The following ADGRG6 variants were observed in gnomAD, a reference collection of about 807,000 sequenced individuals.
ADGRG6 encodes adhesion G protein-coupled receptor G6.
A neutral mutation model predicts 142.4 loss-of-function variants in ADGRG6; 84 were observed. That is an observed-to-expected ratio of 0.59 (90% CI 0.49 to 0.71). The LOEUF is 0.71. Among genes scored for constraint, ADGRG6 ranks in the 30% least tolerant of loss-of-function variants. ADGRG6 has a pLI of 0.00. For missense variants in ADGRG6, 1,367 were observed against 1,466.6 expected, an observed-to-expected ratio of 0.93 and a Z score of 1.11; for synonymous variants, 521 against 520.5, an observed-to-expected ratio of 1.00 and a Z score of -0.01.
At chr6:142,392,076 T>G (rs1287160564) in intron 7 of ADGRG6, among the ~76,000 whole-genome samples, 2 of 152,010 alleles carry the variant, frequency 1.3e-5, no homozygotes, top group African/African-American at 2.4e-5. Flanking sequence ...ATAAATAGTG[T>G]ACCTGTTTCA....
At chr6:142,381,172 T>G (rs2114926192) in intron 4 of ADGRG6, among the ~76,000 whole-genome samples, 1 of 152,352 alleles carries the variant, frequency 6.6e-6, no homozygotes, top group African/African-American at 2.4e-5. Context: ...AGGAAAGTTT[T>G]GAAATATTTA....
chr6:142,332,628 G>A (rs1055941413), intron 2 of ADGRG6, among the ~76,000 whole-genome samples: 5 of 152,040 alleles, frequency 3.3e-5, no homozygotes, highest in Non-Finnish European at 5.9e-5. Flanking sequence ...CATGGGGCTT[G>A]GATGTCATGT....
rs148734468 is a variant in ADGRG6 at position 142,350,842 on chromosome 6, AAACTACC to A, written c.104-16723_104-16717del. Among the ~76,000 whole-genome samples the A allele has an allele frequency of 7.7e-3, 1,169 of 152,342 alleles. 13 individuals carry two copies. The highest frequency in any genetic ancestry group is 0.027 in the African/African-American group (1,115 of 41,580). On this transcript the variant is annotated intron_variant, in intron 2 of 24. Transcript: ENST00000367609. The stretch of plus-strand genomic sequence containing the variant: ...TTATATATTCAAAGCTGTTCCGATC[AAACTACC>A]AACATCATTTTTTCACAAAATTAGA...
At position 142,392,939 on chromosome 6, in the gene ADGRG6, G is replaced by A; in HGVS notation, c.1309-9G>A. 6.3e-7 allele frequency: 1 copy of A among 1,587,740 alleles called. No homozygotes were observed. Among genetic ancestry groups the A allele is most frequent in the South Asian group, 1.1e-5 (1 of 90,330 alleles). Reference sequence around the variant, plus strand: ...AGCAAAACTCAGCCTTTTCCATTGTGTTTTCCAGCTCAATTCAACCTTCCA... The same window carrying A: ...AGCAAAACTCAGCCTTTTCCATTGTATTTTCCAGCTCAATTCAACCTTCCA... On this transcript the variant is annotated splice_polypyrimidine_tract_variant and intron_variant, in intron 7 of 24. Coordinates refer to ENST00000367609, the MANE Select transcript of ADGRG6 (RefSeq NM_198569.3).
Position 142,370,277 on chromosome 6 carries a change from C to T in ADGRG6, c.553C>T (p.Leu185Phe). 1 of 1,613,820 alleles carries T rather than the reference C, an allele frequency of 6.2e-7. No homozygotes were observed. The highest frequency in any genetic ancestry group is 8.5e-7 in the Non-Finnish European group (1 of 1,179,758). ...ISIPELSAFT[L>F]CFEATKVGHE... is the part of the protein sequence containing the mutation. ...TATTCCAGAGCTCAGTGCTTTCACA[C>T]TCTGCTTTGAAGCAACCAAAGTTGG... is the stretch of plus-strand genomic sequence containing the variant. Residue 185 changes from leucine to phenylalanine, a missense_variant, in exon 4 of 25, where the codon CTC (leucine) becomes TTC (phenylalanine). Transcript: ENST00000367609.
intron 2 of ADGRG6, among the ~76,000 whole-genome samples, chr6:142,352,640 A>G (rs1472712554): frequency 6.6e-6 from 1 of 152,192 alleles, no homozygotes; most frequent in Non-Finnish European, 1.5e-5. Context: ...TTGTAATATT[A>G]ACATATATAT....
At chr6:142,331,279 T>A (rs9403380) in intron 2 of ADGRG6, among the ~76,000 whole-genome samples, 4,426 of 151,918 alleles carry the variant, frequency 0.029, 225 homozygotes, top group African/African-American at 0.1. Context: ...GCCCCTCCCC[T>A]CTGAATCTTA....
At chr6:142,352,280 A>G (rs1321004834) in intron 2 of ADGRG6, among the ~76,000 whole-genome samples, 1 of 152,230 alleles carries the variant, frequency 6.6e-6, no homozygotes, top group African/African-American at 2.4e-5. Flanking sequence ...AATACTATGC[A>G]GCTATAAAGA....
intron 2 of ADGRG6, among the ~76,000 whole-genome samples, chr6:142,364,661 GATAA>G (rs1780867313): frequency 6.6e-6 from 1 of 152,182 alleles, no homozygotes; most frequent in East Asian, 1.9e-4. Context: ...CTGAGGCACA[GATAA>G]ATTAACTTGT....
intron 22 of ADGRG6, among the ~76,000 whole-genome samples, chr6:142,423,106 T>G (rs1237999032): frequency 5.5e-5 from 8 of 145,808 alleles, no homozygotes; most frequent in African/African-American, 7.7e-5. Flanking sequence ...TTTCTCCCAT[T>G]TTGTAGGTTG....
chr6:142,401,042 CT>C (rs1475548374), intron 11 of ADGRG6, among the ~76,000 whole-genome samples: 1 of 151,540 alleles, frequency 6.6e-6, no homozygotes, highest in African/African-American at 2.4e-5. Flanking sequence ...TGTAGATTTT[CT>C]CTAAATGTTT....
intron 7 of ADGRG6, among the ~76,000 whole-genome samples, chr6:142,391,861 T>C (rs559598614): frequency 6.6e-6 from 1 of 152,050 alleles, no homozygotes; most frequent in East Asian, 1.9e-4. Context: ...ACTGTTAGCT[T>C]ATTTGTGCAA....
At chr6:142,331,725 T>C (rs1779072944) in intron 2 of ADGRG6, among the ~76,000 whole-genome samples, 1 of 152,148 alleles carries the variant, frequency 6.6e-6, no homozygotes, top group Non-Finnish European at 1.5e-5. Context: ...GTTTTTTTTG[T>C]AAACGCTCTT....
chr6:142,386,239 T>G (rs1782011853), intron 6 of ADGRG6, among the ~76,000 whole-genome samples: 1 of 152,192 alleles, frequency 6.6e-6, no homozygotes, highest in Non-Finnish European at 1.5e-5. Flanking sequence ...TTAATGTCAT[T>G]GATAGGTTCT....
intron 9 of ADGRG6, among the ~76,000 whole-genome samples, chr6:142,396,589 C>A (rs2114995343): frequency 6.6e-6 from 1 of 152,174 alleles, no homozygotes; most frequent in Non-Finnish European, 1.5e-5. Flanking sequence ...AATGTCACTG[C>A]CTCTCCACTA....
intron 24 of ADGRG6, among the ~76,000 whole-genome samples, chr6:142,440,576 G>A (rs1777705645): frequency 1.3e-5 from 2 of 152,118 alleles, no homozygotes; most frequent in Admixed American, 6.5e-5. Context: ...GATTACAGAC[G>A]TGAGCCACCA....
intron 9 of ADGRG6, among the ~76,000 whole-genome samples, chr6:142,394,842 C>A (rs181231012): frequency 0.047 from 5,991 of 127,994 alleles, 241 homozygotes; most frequent in Middle Eastern, 0.14. Flanking sequence ...CTGTCTCAGC[C>A]CCCCCCAGAG....
intron 22 of ADGRG6, among the ~76,000 whole-genome samples, chr6:142,435,697 C>A (rs1234905106): frequency 6.6e-6 from 1 of 151,882 alleles, no homozygotes; most frequent in Non-Finnish European, 1.5e-5. Context: ...TCTCTTGGAG[C>A]TTATTATCTG....
chr6:142,419,907 T>C lies in ADGRG6; in HGVS notation c.3122T>C (p.Ile1041Thr), dbSNP rs994535418. The change falls in exon 22 of 25, where the codon ATT becomes ACT. Residue 1041 changes from isoleucine to threonine, a missense_variant. Transcript: ENST00000367609. ...TTTTTTCTGAACATTGCCATGTTCA[T>C]TGTGGTAATGGTGCAGATCTGTGGG... ...VMFFLNIAMFIVVMVQICGRN... is the reference protein window; with the variant it reads ...VMFFLNIAMFTVVMVQICGRN... The C allele has an allele frequency of 6.2e-6, 10 of 1,612,496 alleles. No individual in the cohort carries two copies. The African/African-American group carries it at 8.0e-5, about 13-fold the overall frequency.
Sources: allele counts gnomAD v4.1 joint callset (sites outside exome capture counted in the v4.1 genomes callset), GRCh38; gene constraint gnomAD v4.1.1; transcripts MANE v1.5; gene names NCBI Gene and HGNC (gene_info 2026-07-23, HGNC 2026-07-21).